The following ADGRL3 variants were observed in gnomAD, a reference collection of about 807,000 sequenced individuals.
ADGRL3 encodes the protein adhesion G protein-coupled receptor L3, also known as calcium-independent alpha-latrotoxin receptor 3.
ADGRL3 carries 62 observed loss-of-function variants against 153.5 expected under a neutral mutation model. The ratio of observed to expected loss-of-function variants is 0.40; its 90% CI spans 0.33 to 0.50. The LOEUF (loss-of-function observed/expected upper bound fraction) is 0.50. Among genes scored for constraint, ADGRL3 ranks in the 20% least tolerant of loss-of-function variants. ADGRL3 has a pLI of 0.47. For missense variants in ADGRL3, 1,641 were observed against 1,859.4 expected (o/e 0.88, Z 2.16); for synonymous variants, 710 against 672.5 (o/e 1.06, Z -0.86).
chr4:61,707,389 C>A (rs1267974597), intron 6 of ADGRL3, among the ~76,000 whole-genome samples: 2 of 152,120 alleles, frequency 1.3e-5, no homozygotes, highest in African/African-American at 4.8e-5. Flanking sequence ...AAGGCAATAT[C>A]TGCAAATCAC....
chr4:61,746,894 C>T (rs1256790774), intron 8 of ADGRL3, among the ~76,000 whole-genome samples: 1 of 151,916 alleles, frequency 6.6e-6, no homozygotes, highest in Non-Finnish European at 1.5e-5. Flanking sequence ...ACAAAAAACC[C>T]TTCAAAAAAT....
At chr4:61,813,592 A>T (rs1011201855) in intron 8 of ADGRL3, among the ~76,000 whole-genome samples, 1 of 152,206 alleles carries the variant, frequency 6.6e-6, no homozygotes, top group African/African-American at 2.4e-5. Flanking sequence ...CAACAACAAA[A>T]AAAGAAGAAA....
intron 9 of ADGRL3, among the ~76,000 whole-genome samples, chr4:61,869,950 AAAAAAAAAAAAG>A (rs2098428121): frequency 1.8e-5 from 2 of 109,828 alleles, no homozygotes; most frequent in African/African-American, 6.3e-5. Flanking sequence ...AAAAAAAAAA[AAAAAAAAAAAAG>A]AGAGAGAGAG....
At chr4:61,727,386 T>C (rs1383478950) in intron 6 of ADGRL3, among the ~76,000 whole-genome samples, 1 of 152,082 alleles carries the variant, frequency 6.6e-6, no homozygotes, top group Non-Finnish European at 1.5e-5. Context: ...TAAAAATAGT[T>C]TGGAAATTAA....
At chr4:61,654,382 C>T (rs373435763) in intron 5 of ADGRL3, among the ~76,000 whole-genome samples, 1 of 151,800 alleles carries the variant, frequency 6.6e-6, no homozygotes, top group African/African-American at 2.4e-5. Context: ...ACATTTGATT[C>T]TTTTTACTCA....
At chr4:61,642,764 G>A (rs1327832187) in intron 5 of ADGRL3, among the ~76,000 whole-genome samples, 6 of 152,050 alleles carry the variant, frequency 3.9e-5, no homozygotes, top group African/African-American at 9.7e-5. Context: ...TTGACATGGC[G>A]ATGTGGGCTC....
chr4:61,960,003 T>G (rs1292046513), intron 17 of ADGRL3, among the ~76,000 whole-genome samples: 1 of 152,182 alleles, frequency 6.6e-6, no homozygotes, highest in East Asian at 1.9e-4. Context: ...AAAAACTACA[T>G]AACTTGCATG....
intron 2 of ADGRL3, among the ~76,000 whole-genome samples, chr4:61,462,298 C>T (rs990511759): frequency 6.6e-6 from 1 of 152,110 alleles, no homozygotes. Flanking sequence ...CAAATCTTGT[C>T]TTTTATTAAA....
chr4:61,383,660 T>C (rs1426805169), intron 2 of ADGRL3, among the ~76,000 whole-genome samples: 1 of 151,906 alleles, frequency 6.6e-6, no homozygotes, highest in African/African-American at 2.4e-5. Flanking sequence ...TAATGTTGAA[T>C]ATAAATATTA....
intron 4 of ADGRL3, among the ~76,000 whole-genome samples, chr4:61,578,398 G>T (rs1296594888): frequency 6.6e-6 from 1 of 151,952 alleles, no homozygotes; most frequent in Non-Finnish European, 1.5e-5. Context: ...TTGTCATATT[G>T]CCCTAAATAG....
intron 15 of ADGRL3, among the ~76,000 whole-genome samples, chr4:61,945,413 G>C: frequency 1.7e-5 from 1 of 59,700 alleles, no homozygotes; most frequent in African/African-American, 6.9e-5. Flanking sequence ...TGCCCCCAGA[G>C]GTGGAGCCTA....
At chr4:61,604,678 C>G (rs2099025017) in intron 5 of ADGRL3, among the ~76,000 whole-genome samples, 1 of 152,106 alleles carries the variant, frequency 6.6e-6, no homozygotes, top group Admixed American at 6.6e-5. Context: ...TGTTTTTTAA[C>G]ACATATACCA....
At chr4:61,457,101 G>T (rs1187964002) in intron 2 of ADGRL3, among the ~76,000 whole-genome samples, 1 of 151,604 alleles carries the variant, frequency 6.6e-6, no homozygotes, top group Admixed American at 6.6e-5. Context: ...TTCAAAATGG[G>T]ATTCAGTGAC....
intron 13 of ADGRL3, among the ~76,000 whole-genome samples, chr4:61,921,964 C>G (rs374408912): frequency 6.6e-6 from 1 of 152,150 alleles, no homozygotes; most frequent in Admixed American, 6.6e-5. Flanking sequence ...ACCTCTTCAT[C>G]AGTAGGAAAT....
chr4:61,582,275 A>G (rs914502377), intron 4 of ADGRL3, among the ~76,000 whole-genome samples: 9 of 151,996 alleles, frequency 5.9e-5, no homozygotes, highest in African/African-American at 2.2e-4. Flanking sequence ...TGCTGCACCT[A>G]TCAGCCCATC....
intron 9 of ADGRL3, among the ~76,000 whole-genome samples, chr4:61,852,147 A>AT (rs1275267204): frequency 6.6e-6 from 1 of 152,118 alleles, no homozygotes; most frequent in Non-Finnish European, 1.5e-5. Context: ...TTTTTAAAAG[A>AT]TAAAAAAGGA....
chr4:61,761,582 C>T (rs1030550852), intron 8 of ADGRL3, among the ~76,000 whole-genome samples: 7 of 152,022 alleles, frequency 4.6e-5, no homozygotes, highest in African/African-American at 1.2e-4. Context: ...TTGCTTGAAG[C>T]GAGGATTTCA....
In ADGRL3 at chr4:61,936,781, TACACAC is replaced by T. The variant is rs71666904; in HGVS notation, c.2419+764_2419+769del. On this transcript the variant is annotated intron_variant, in intron 15 of 26. Transcript: ENST00000683033. ...ATATTTGTACATATGTACATATGCA[TACACAC>T]ACACACACACACACACACACACACA... Among the ~76,000 whole-genome samples the T allele has an allele frequency of 3.2e-4, 44 of 138,730 alleles. 1 individual carries two copies. Among genetic ancestry groups the T allele is most frequent in the Middle Eastern group, 3.6e-3 (1 of 280 alleles). The allele number at this position is 138,730 out of a possible 152,430, so 91.0% of individuals were successfully genotyped here.
At chr4:61,631,027 T>C (rs59969360) in intron 5 of ADGRL3, among the ~76,000 whole-genome samples, 3,472 of 152,330 alleles carry the variant, frequency 0.023, 111 homozygotes, top group East Asian at 0.14. Flanking sequence ...TCAACTTGTG[T>C]TGGTAATTCT....
Sources: gnomAD v4.1 joint callset for allele counts (sites outside exome capture counted in the v4.1 genomes callset) on GRCh38, gnomAD v4.1.1 for gene constraint, MANE v1.5 for transcripts, NCBI Gene and HGNC (gene_info 2026-07-23, HGNC 2026-07-21) for gene names.